The following XIST variants were observed in gnomAD, a reference collection of about 807,000 sequenced individuals.
XIST encodes X inactive specific transcript (non-protein coding).
rs184216306 is a variant in XIST at position 73,838,168 on chromosome X, A to G, written n.11343-665T>C. Among the ~76,000 whole-genome samples the G allele has an allele frequency of 6.3e-5, 7 of 111,209 alleles. No individual in the cohort carries two copies. In the East Asian group the frequency reaches 2.0e-3, roughly 31 times the overall value. On this transcript the variant is annotated intron_variant and non_coding_transcript_variant, in intron 1 of 5. Transcript: ENST00000429829. The stretch of plus-strand genomic sequence containing the variant: ...TTATATCCCATCACTGTTCAATGCC[A>G]ATCACACTAACAGCATACTATAAAA...
intron 5 of XIST, chrX:73,828,099 AT>A: frequency 2.3e-6 from 1 of 439,704 alleles, no homozygotes; most frequent in Non-Finnish European, 3.9e-6. Context: ...GATAAAAAAA[AT>A]CAAAAAGTGT....
At chrX:73,823,754 C>T (rs777016412) in exon 6 of XIST, 6 of 556,922 alleles carry the variant, frequency 1.1e-5, no homozygotes, top group African/African-American at 2.2e-5. Context: ...CAGCTTAGTA[C>T]ACTGCCTTAT....
rs750404588 is a variant in XIST at position 73,836,284 on chromosome X, T to C, written n.11406+1156A>G. Among the ~76,000 whole-genome samples, 3 of 112,494 alleles carry C rather than the reference T, an allele frequency of 2.7e-5. No homozygotes were observed. In the South Asian group the frequency reaches 1.1e-3, roughly 41 times the overall value. On this transcript the variant is annotated intron_variant and non_coding_transcript_variant, in intron 2 of 5. Coordinates refer to ENST00000429829, the Ensembl canonical transcript of XIST. Reference sequence around the variant, plus strand: ...TAAGATAAAGTTTGTTTCTGCAACCTATTTTACGTTTCAAAACTGGCAGAA... The same window carrying C: ...TAAGATAAAGTTTGTTTCTGCAACCCATTTTACGTTTCAAAACTGGCAGAA...
exon 1 of XIST, chrX:73,842,708 T>C (rs1021705430): frequency 2.9e-5 from 16 of 555,972 alleles, no homozygotes; most frequent in African/African-American, 1.4e-4. Flanking sequence ...GGTTCATGTA[T>C]AATGGGTGGG....
At chrX:73,830,138 G>T (rs1433146414) in intron 4 of XIST, among the ~76,000 whole-genome samples, 1 of 109,353 alleles carries the variant, frequency 9.1e-6, no homozygotes, top group Non-Finnish European at 1.9e-5. Context: ...CAAAAAAAAA[G>T]AAGAAGAAGA....
At chrX:73,850,289 T>C in exon 1 of XIST, 1 of 551,651 alleles carries the variant, frequency 1.8e-6, no homozygotes, top group Non-Finnish European at 3.3e-6. Flanking sequence ...AAAAAAAGGT[T>C]AAGGAATTTG....
chrX:73,827,426 A>G (rs775052213), exon 6 of XIST: 1 of 550,416 alleles, frequency 1.8e-6, no homozygotes, highest in Non-Finnish European at 3.3e-6. Context: ...AGCAGAGAAC[A>G]AATACAAGCC....
chrX:73,830,563 G>T (rs1922360965), intron 4 of XIST, among the ~76,000 whole-genome samples: 1 of 111,541 alleles, frequency 9.0e-6, no homozygotes, highest in African/African-American at 3.3e-5. Context: ...TTTTAGTCAG[G>T]TTTCCATTTG....
At chrX:73,829,790 CAAAA>C (rs752287639) in intron 4 of XIST, among the ~76,000 whole-genome samples, 1 of 24,249 alleles carries the variant, frequency 4.1e-5, no homozygotes, top group Admixed American at 4.6e-4. Context: ...AACTCCATCT[CAAAA>C]AAAAAAAAAA....
rs747496029 is a variant in XIST at position 73,837,254 on chromosome X, T to C, written n.11406+186A>G. ...TAAGTCATGTTGATAGTATGTACTCTTGATAAGTGATAAGAATGGCACTCT... is the reference window on the plus strand; with the variant it reads ...TAAGTCATGTTGATAGTATGTACTCCTGATAAGTGATAAGAATGGCACTCT... On this transcript the variant is annotated intron_variant and non_coding_transcript_variant, in intron 2 of 5. Transcript: ENST00000429829. 4.5e-5 allele frequency among the ~76,000 whole-genome samples: 5 copies of C among 111,694 alleles called. No individual in the cohort carries two copies. The South Asian group carries it at 1.9e-3, about 42-fold the overall frequency.
chrX:73,845,662 G>C (rs758253952), exon 1 of XIST: 8 of 555,908 alleles, frequency 1.4e-5, no homozygotes, highest in Middle Eastern at 6.1e-4. Flanking sequence ...ACCTTATTCA[G>C]ATGGGATGGG....
exon 6 of XIST, chrX:73,827,826 C>G (rs773002929): frequency 1.3e-5 from 7 of 529,909 alleles, no homozygotes; most frequent in Non-Finnish European, 2.0e-5. Flanking sequence ...AGAGATATGT[C>G]TAAGACAAGA....
At chrX:73,843,503 TAAAAG>T (rs1412474561) in exon 1 of XIST, 2 of 558,577 alleles carry the variant, frequency 3.6e-6, no homozygotes, top group Non-Finnish European at 6.5e-6. Context: ...ACATTAATAT[TAAAAG>T]AAAAGGGTTC....
exon 1 of XIST, chrX:73,847,169 C>T (rs1258922846): frequency 1.8e-6 from 1 of 558,893 alleles, no homozygotes; most frequent in Non-Finnish European, 3.2e-6. Context: ...AGTACAGCAG[C>T]AAATATAAGT....
At chrX:73,848,195 G>A (rs770221269) in exon 1 of XIST, 7 of 555,270 alleles carry the variant, frequency 1.3e-5, no homozygotes, top group South Asian at 6.8e-5. Context: ...GCAATTATGC[G>A]CATTAACAGT....
chrX:73,834,221 T>C (rs1046899968), intron 2 of XIST, among the ~76,000 whole-genome samples: 3 of 112,457 alleles, frequency 2.7e-5, no homozygotes, highest in African/African-American at 9.7e-5. Context: ...GCACTCCATA[T>C]GCAAGCAAAT....
exon 1 of XIST, chrX:73,847,788 C>T (rs775515888): frequency 5.7e-5 from 32 of 556,704 alleles, no homozygotes; most frequent in Non-Finnish European, 8.4e-5. Flanking sequence ...TTCCAGCATC[C>T]CTTTCTATAA....
At chrX:73,848,007 G>A (rs777255683) in exon 1 of XIST, 13 of 557,680 alleles carry the variant, frequency 2.3e-5, no homozygotes, top group Non-Finnish European at 2.6e-5. Flanking sequence ...TTGACTAGAG[G>A]TCATCCACTG....
At chrX:73,845,472 T>C (rs1356587875) in exon 1 of XIST, 2 of 555,575 alleles carry the variant, frequency 3.6e-6, no homozygotes, top group Admixed American at 4.5e-5. Context: ...TAAGGGTATA[T>C]GGAGTGGACA....
Sources: gnomAD v4.1 joint callset for allele counts (sites outside exome capture counted in the v4.1 genomes callset) on GRCh38, gnomAD v4.1.1 for gene constraint, MANE v1.5 for transcripts, NCBI Gene and HGNC (gene_info 2026-07-23, HGNC 2026-07-21) for gene names.